RBFOX1: variants seen among roughly 807,000 people sequenced by gnomAD.
RBFOX1 encodes the protein RNA binding fox-1 homolog 1, also known as RNA binding protein fox-1 homolog 1.
Under a neutral mutation model 57.7 loss-of-function variants are expected in RBFOX1, and 8 were observed. The ratio of observed to expected loss-of-function variants is 0.14; its 90% CI spans 0.08 to 0.25. The LOEUF is 0.25. Ranked by LOEUF, RBFOX1 falls within the 10% of genes least tolerant of loss-of-function variation. The probability of loss-of-function intolerance (pLI) is 1.00; values close to 1 mark genes in which losing one functional copy is unlikely to be tolerated. For missense variants in RBFOX1, 611 were observed against 548.5 expected (o/e 1.11, Z -1.14); for synonymous variants, 326 against 222.4 (o/e 1.47, Z -4.15).
intron 12 of RBFOX1, among the ~76,000 whole-genome samples, chr16:7,659,006 T>C (rs1234538031): frequency 6.6e-6 from 1 of 152,210 alleles, no homozygotes; most frequent in Non-Finnish European, 1.5e-5. Context: ...ATTACAGGCA[T>C]GTGCCACCGC....
chr16:7,073,710 A>G (rs2057787437), intron 4 of RBFOX1, among the ~76,000 whole-genome samples: 1 of 152,044 alleles, frequency 6.6e-6, no homozygotes, highest in African/African-American at 2.4e-5. Flanking sequence ...TATACAAAAA[A>G]AAATTACACA....
chr16:6,801,797 A>C (rs116998561), intron 3 of RBFOX1, among the ~76,000 whole-genome samples: 1,696 of 152,212 alleles, frequency 0.011, 20 homozygotes, highest in Non-Finnish European at 0.019. Flanking sequence ...TCAAAATTAC[A>C]AAGTTTTCCA....
At chr16:5,743,037 T>A (rs762808856) in intron 3 of RBFOX1, among the ~76,000 whole-genome samples, 1 of 152,210 alleles carries the variant, frequency 6.6e-6, no homozygotes. Flanking sequence ...CTCCGCTTAC[T>A]ATTAGCCTGT....
At chr16:6,884,540 G>C (rs953522135) in intron 3 of RBFOX1, among the ~76,000 whole-genome samples, 118 of 152,186 alleles carry the variant, frequency 7.8e-4, no homozygotes, top group African/African-American at 2.7e-3. Context: ...TACATCATCT[G>C]TTACATTATC....
Position 7,292,421 on chromosome 16 carries a change from A to G in RBFOX1, c.28-225726A>G, listed in dbSNP as rs527636369. Among the ~76,000 whole-genome samples, 15 of 142,166 alleles carry G rather than the reference A, an allele frequency of 1.1e-4. No homozygotes were observed. The South Asian group carries it at 3.2e-3, about 30-fold the overall frequency. The allele number at this position is 142,166 out of a possible 152,430, so 93.3% of individuals were successfully genotyped here. On this transcript the variant is annotated intron_variant, in intron 4 of 15. Transcript: ENST00000550418. ...ATATGTAATGTATTATATTATATAT[A>G]TAAGGTATTATATATAATATATAAT...
intron 3 of RBFOX1, among the ~76,000 whole-genome samples, chr16:7,030,535 C>G (rs2042524274): frequency 6.6e-6 from 1 of 152,182 alleles, no homozygotes; most frequent in Admixed American, 6.5e-5. Flanking sequence ...GGCCACATCA[C>G]TCTAGTCTCT....
chr16:7,105,812 G>A (rs1439700894), intron 4 of RBFOX1, among the ~76,000 whole-genome samples: 2 of 151,860 alleles, frequency 1.3e-5, no homozygotes, highest in South Asian at 4.2e-4. Flanking sequence ...AGATATCACA[G>A]GTTCTTTATC....
At chr16:6,904,566 A>T (rs1262269978) in intron 3 of RBFOX1, among the ~76,000 whole-genome samples, 1 of 134,488 alleles carries the variant, frequency 7.4e-6, no homozygotes, top group South Asian at 2.5e-4. Flanking sequence ...ATGCCATTGC[A>T]CTCCAGCCTG....
intron 4 of RBFOX1, among the ~76,000 whole-genome samples, chr16:7,165,979 C>T (rs971791478): frequency 1.1e-5 from 1 of 90,210 alleles, no homozygotes; most frequent in East Asian, 4.7e-4. Context: ...CATACATACA[C>T]CCCAGATTTC....
chr16:7,514,674 C>T (rs1284442199), intron 4 of RBFOX1, among the ~76,000 whole-genome samples: 1 of 152,042 alleles, frequency 6.6e-6, no homozygotes, highest in African/African-American at 2.4e-5. Context: ...TGAGGCTTTC[C>T]AAGCTGAGGG....
At chr16:5,926,515 C>G (rs2058944244) in intron 4 of RBFOX1, among the ~76,000 whole-genome samples, 1 of 152,130 alleles carries the variant, frequency 6.6e-6, no homozygotes. Flanking sequence ...ATCATTATCC[C>G]ATGCCAATGT....
chr16:7,064,498 A>T (rs1358149869), intron 4 of RBFOX1, among the ~76,000 whole-genome samples: 1 of 152,134 alleles, frequency 6.6e-6, no homozygotes, highest in East Asian at 1.9e-4. Flanking sequence ...AGAGGAGATT[A>T]GGACATAGAC....
chr16:6,836,980 A>G (rs149931710), intron 3 of RBFOX1, among the ~76,000 whole-genome samples: 1 of 152,250 alleles, frequency 6.6e-6, no homozygotes, highest in African/African-American at 2.4e-5. Context: ...GGGTGGATGG[A>G]TGAATGACTC....
Position 6,563,046 on chromosome 16 carries a change from C to G in RBFOX1, c.-63-91557C>G, listed in dbSNP as rs575500302. 3.9e-3 allele frequency among the ~76,000 whole-genome samples: 596 copies of G among 152,048 alleles called. 1 individual carries two copies. The highest frequency in any genetic ancestry group is 5.7e-3 in the Non-Finnish European group (389 of 67,996). ...TCAATGTCATTTGCACAATTAGACT[C>G]AGATGCTGCAGGGGCAGGGGGCCAT... On this transcript the variant is annotated intron_variant, in intron 2 of 15. Coordinates refer to ENST00000550418, the MANE Select transcript of RBFOX1 (RefSeq NM_018723.4).
chr16:7,492,603 C>G (rs937017637), intron 4 of RBFOX1, among the ~76,000 whole-genome samples: 4 of 152,170 alleles, frequency 2.6e-5, no homozygotes, highest in African/African-American at 9.7e-5. Context: ...AATCTCATGT[C>G]AAATTGTAAT....
At chr16:5,662,490 A>G (rs2049688398) in intron 3 of RBFOX1, among the ~76,000 whole-genome samples, 1 of 152,212 alleles carries the variant, frequency 6.6e-6, no homozygotes, top group Admixed American at 6.5e-5. Flanking sequence ...ACATGCCCAT[A>G]GCATCAGAGT....
intron 4 of RBFOX1, among the ~76,000 whole-genome samples, chr16:7,398,816 A>G (rs952703469): frequency 3.9e-5 from 6 of 152,220 alleles, no homozygotes; most frequent in Admixed American, 6.5e-5. Flanking sequence ...CCTGGAGGGA[A>G]TAATTCTGAG....
intron 4 of RBFOX1, among the ~76,000 whole-genome samples, chr16:7,052,953 A>G (rs2050612558): frequency 6.6e-6 from 1 of 152,166 alleles, no homozygotes; most frequent in South Asian, 2.1e-4. Flanking sequence ...TATAAAAATC[A>G]GAGAAATATG....
chr16:6,902,383 C>G (rs374212444), intron 3 of RBFOX1, among the ~76,000 whole-genome samples: 5 of 152,216 alleles, frequency 3.3e-5, no homozygotes, highest in African/African-American at 1.2e-4. Flanking sequence ...ATATCTGGAG[C>G]TATCAAGAGG....
Sources: gnomAD v4.1 joint callset for allele counts (sites outside exome capture counted in the v4.1 genomes callset) on GRCh38, gnomAD v4.1.1 for gene constraint, MANE v1.5 for transcripts, NCBI Gene and HGNC (gene_info 2026-07-23, HGNC 2026-07-21) for gene names.